The following KALRN variants were observed in gnomAD, a reference collection of about 807,000 sequenced individuals.
KALRN encodes kalirin.
Under a neutral mutation model 353.7 loss-of-function variants are expected in KALRN, and 70 were observed. The observed-to-expected ratio is 0.20, with a 90% CI of 0.16 to 0.24. The LOEUF (loss-of-function observed/expected upper bound fraction) is 0.24, where lower values mean the gene tolerates loss of function less well. KALRN is among the 10% of genes least tolerant of loss of function. The pLI, the probability that KALRN is intolerant of heterozygous loss-of-function variation, is 1.00. For synonymous variants in KALRN, 1,391 were observed against 1,434.8 expected (o/e 0.97, Z 0.69); for missense variants, 2,791 against 3,756.7 (o/e 0.74, Z 6.72).
chr3:124,602,057 C>G (rs184294655), intron 34 of KALRN, among the ~76,000 whole-genome samples: 185 of 151,322 alleles, frequency 1.2e-3, no homozygotes, highest in Non-Finnish European at 2.1e-3. Context: ...AGAAAAATTT[C>G]TGTTCTGTTG....
At chr3:124,083,511 C>A (rs1299938347) in intron 1 of KALRN, among the ~76,000 whole-genome samples, 1 of 152,162 alleles carries the variant, frequency 6.6e-6, no homozygotes, top group African/African-American at 2.4e-5. Flanking sequence ...TGAAGGCTGA[C>A]AACATAATGA....
At chr3:124,491,223 C>G (rs985591475) in intron 30 of KALRN, 100 bp from the exon 31 acceptor site, 27 of 698,100 alleles carry the variant, frequency 3.9e-5, no homozygotes, top group Non-Finnish European at 5.8e-5. Flanking sequence ...GCCCCTCCCT[C>G]GGTCCTCTCC....
chr3:124,656,507 A>ATCCT (rs1019082755), intron 39 of KALRN, among the ~76,000 whole-genome samples: 2 of 152,218 alleles, frequency 1.3e-5, no homozygotes, highest in Non-Finnish European at 2.9e-5. Flanking sequence ...GCTACTCAGG[A>ATCCT]GGCCGAGGCA....
chr3:124,255,400 T>G (rs773031807), intron 3 of KALRN, among the ~76,000 whole-genome samples: 15 of 152,242 alleles, frequency 9.9e-5, no homozygotes, highest in Non-Finnish European at 1.3e-4. Flanking sequence ...CCTTCTAGAA[T>G]GAAACTTTCA....
intron 34 of KALRN, among the ~76,000 whole-genome samples, chr3:124,565,456 C>G (rs1343262613): frequency 6.6e-6 from 1 of 152,336 alleles, no homozygotes; most frequent in South Asian, 2.1e-4. Flanking sequence ...CAAAACACAG[C>G]AGTGCCTGGC....
chr3:124,492,797 G>C lies in KALRN; in HGVS notation c.4747G>C (p.Glu1583Gln), dbSNP rs1420922134. The C allele has an allele frequency of 6.2e-7, 1 of 1,613,976 alleles. No individual in the cohort carries two copies. The highest frequency in any genetic ancestry group is 8.5e-7 in the Non-Finnish European group (1 of 1,180,008). Residue 1583 changes from glutamate to glutamine, a missense_variant, in exon 32 of 60, where the codon GAA becomes CAA. Around this residue, in one of 11 missense-constraint regions of KALRN, gnomAD observed 239 missense variants for 351.3 expected, o/e 0.68. Transcript: ENST00000682506. Reference protein sequence around the residue: ...WIKNIREVIQERIIHLKGALK... With the variant: ...WIKNIREVIQQRIIHLKGALK... ...CAAGAACATTCGAGAAGTGATTCAA[G>C]AAAGGATCATTCACCTGAAAGGAGC...
intron 1 of KALRN, among the ~76,000 whole-genome samples, chr3:124,049,203 G>C (rs2040810372): frequency 6.6e-6 from 1 of 152,188 alleles, no homozygotes; most frequent in South Asian, 2.1e-4. Context: ...TCTTGAGCTT[G>C]AATGTAAGTT....
At chr3:124,277,786 A>G (rs1008507726) in intron 5 of KALRN, among the ~76,000 whole-genome samples, 2 of 152,226 alleles carry the variant, frequency 1.3e-5, no homozygotes, top group African/African-American at 2.4e-5. Flanking sequence ...GGAAGGTGCC[A>G]AGACCTGAAC....
intron 34 of KALRN, among the ~76,000 whole-genome samples, chr3:124,630,407 T>C (rs1459030906): frequency 6.6e-6 from 1 of 151,982 alleles, no homozygotes; most frequent in Non-Finnish European, 1.5e-5. Flanking sequence ...TGTTTGTTTG[T>C]TTGTTTTGAG....
At position 124,657,867 on chromosome 3, in the gene KALRN, A is replaced by G. The variant is rs964753608; in HGVS notation, c.6036+64A>G. The G allele has an allele frequency of 4.0e-6, 5 of 1,238,626 alleles. No individual in the cohort carries two copies. In the African/African-American group the frequency reaches 7.4e-5, roughly 18 times the overall value. The allele number at this position is 1,238,626 out of a possible 1,614,324, so 76.7% of individuals were successfully genotyped here. ...TAGGCTCATTTATATTCATTTTAAAATCCTGGCCAGGCACAGTGGCTCACA... is the reference window on the plus strand; with the variant it reads ...TAGGCTCATTTATATTCATTTTAAAGTCCTGGCCAGGCACAGTGGCTCACA... On this transcript the variant is annotated intron_variant, in intron 41 of 59. Coordinates refer to ENST00000682506, the MANE Select transcript of KALRN (RefSeq NM_001388419.1).
At chr3:124,258,704 T>C (rs2072409004) in intron 3 of KALRN, among the ~76,000 whole-genome samples, 1 of 152,204 alleles carries the variant, frequency 6.6e-6, no homozygotes, top group African/African-American at 2.4e-5. Context: ...GAATAAAAAT[T>C]TCCACACCAG....
intron 1 of KALRN, among the ~76,000 whole-genome samples, chr3:124,142,146 G>A (rs2066703458): frequency 6.6e-6 from 1 of 152,182 alleles, no homozygotes; most frequent in African/African-American, 2.4e-5. Flanking sequence ...CTCTTACTGA[G>A]ATCCTGTGGC....
chr3:124,296,204 C>G (rs552408197), intron 5 of KALRN, among the ~76,000 whole-genome samples: 1 of 152,328 alleles, frequency 6.6e-6, no homozygotes, highest in Admixed American at 6.5e-5. Context: ...TAACTGCCTA[C>G]TGGATACCTC....
chr3:124,430,678 G>T lies in KALRN; in HGVS notation c.2732G>T (p.Gly911Val). ...TAGGTTCTGGGATGGATCCGCAATG[G>T]AGAGTCAATGCTCAACGCCAGCCTG... Reference protein sequence around the residue: ...VKQVLGWIRNGESMLNASLVN... With the variant: ...VKQVLGWIRNVESMLNASLVN... The change falls in exon 16 of 60, where the codon GGA (glycine) becomes GTA (valine). Residue 911 changes from glycine to valine, a missense_variant. By Grantham distance (109) the Gly-to-Val change is moderately radical (BLOSUM62 -3). Coordinates refer to ENST00000682506, the MANE Select transcript of KALRN (RefSeq NM_001388419.1). 6.2e-7 allele frequency: 1 copy of T among 1,614,160 alleles called. No individual in the cohort carries two copies. Among genetic ancestry groups the T allele is most frequent in the Non-Finnish European group, 8.5e-7 (1 of 1,179,994 alleles).
At chr3:124,647,164 C>T (rs952187135) in intron 37 of KALRN, among the ~76,000 whole-genome samples, 2 of 152,140 alleles carry the variant, frequency 1.3e-5, no homozygotes, top group Non-Finnish European at 2.9e-5. Context: ...ACCACAGCCT[C>T]CCAAACTGCT....
At chr3:124,089,159 T>G (rs925981079) in intron 1 of KALRN, among the ~76,000 whole-genome samples, 2 of 152,274 alleles carry the variant, frequency 1.3e-5, no homozygotes, top group African/African-American at 4.8e-5. Flanking sequence ...AGGGGTTTCC[T>G]TTTGATATGG....
intron 54 of KALRN, 135 bp from the exon 55 acceptor site, chr3:124,697,458 A>T (rs2062107444): frequency 2.5e-6 from 2 of 796,590 alleles, no homozygotes; most frequent in Non-Finnish European, 3.8e-6. Flanking sequence ...GGAGAAAGGT[A>T]TGCCACTTGG....
intron 6 of KALRN, among the ~76,000 whole-genome samples, chr3:124,315,082 A>G (rs1236081589): frequency 6.6e-6 from 1 of 152,190 alleles, no homozygotes; most frequent in Non-Finnish European, 1.5e-5. Context: ...TACCTCCAAC[A>G]TTGGAGATCA....
chr3:124,635,288 G>A (rs1408046919), intron 36 of KALRN, among the ~76,000 whole-genome samples: 1 of 152,188 alleles, frequency 6.6e-6, no homozygotes, highest in Non-Finnish European at 1.5e-5. Context: ...GGCCTAAGGA[G>A]TAGGGTGCCC....
Sources: allele counts gnomAD v4.1 joint callset (sites outside exome capture counted in the v4.1 genomes callset), GRCh38; gene constraint gnomAD v4.1.1; regional missense constraint gnomAD v4.1.1; transcripts MANE v1.5; gene names NCBI Gene and HGNC (gene_info 2026-07-23, HGNC 2026-07-21).